Variants in LARP4B observed in about 807,000 individuals in gnomAD.
The protein encoded by LARP4B is La ribonucleoprotein 4B.
A neutral mutation model predicts 89.8 loss-of-function variants in LARP4B; 12 were observed. The observed-to-expected ratio is 0.13, with a 90% CI of 0.09 to 0.22. The LOEUF (loss-of-function observed/expected upper bound fraction) is 0.22, where lower values mean the gene tolerates loss of function less well. LARP4B is among the 10% of genes least tolerant of loss of function. LARP4B has a pLI of 1.00. For synonymous variants in LARP4B, 367 were observed against 363.3 expected (o/e 1.01, Z -0.12); for missense variants, 757 against 947.7 (o/e 0.80, Z 2.64).
At chr10:846,933 G>A (rs1004356924) in intron 5 of LARP4B, among the ~76,000 whole-genome samples, 2 of 152,188 alleles carry the variant, frequency 1.3e-5, no homozygotes, top group African/African-American at 4.8e-5. Flanking sequence ...GAAGTTAGGA[G>A]CCAAGAGAAT....
the LARP4B span, among the ~76,000 whole-genome samples, chr10:969,545 CA>C: frequency 9.9e-5 from 15 of 152,160 alleles, no homozygotes; most frequent in Admixed American, 8.5e-4. Flanking sequence ...GCCTGGCCAA[CA>C]TGGCAAAATC....
chr10:812,074 G>A lies in LARP4B; in HGVS notation c.*852C>T, dbSNP rs910384625. Reference sequence around the variant, plus strand: ...GTGGACTCTCTCCAACCAGAGTGCTGGGGAACACGGACAGAAATGTGCACA... The same window carrying A: ...GTGGACTCTCTCCAACCAGAGTGCTAGGGAACACGGACAGAAATGTGCACA... On this transcript the variant is annotated 3_prime_UTR_variant, in exon 18 of 18. Transcript: ENST00000316157. 5 of 152,636 alleles carry A rather than the reference G, an allele frequency of 3.3e-5. No individual in the cohort carries two copies. Among genetic ancestry groups the A allele is most frequent in the African/African-American group, 9.7e-5 (4 of 41,412 alleles). The allele number at this position is 152,636 out of a possible 1,614,324, so 9.5% of individuals were successfully genotyped here. A position where few individuals can be genotyped will look rare whatever the true frequency, so the allele number is the denominator to read the frequency against.
At position 909,067 on chromosome 10, in the gene LARP4B, G is replaced by GCT. The variant is rs1836584122; in HGVS notation, c.-40+22360_-40+22361insAG. ...CCCAGCACTTTGGGAGGCTGAGGCG[G>GCT]GCAGATCACAAGGTCAGGAGATCAA... On this transcript the variant is annotated intron_variant, in intron 1 of 17. Coordinates refer to ENST00000316157, the MANE Select transcript of LARP4B (RefSeq NM_015155.3). 3.3e-5 allele frequency among the ~76,000 whole-genome samples: 5 copies of GCT among 152,230 alleles called. No homozygotes were observed. In the East Asian group the frequency reaches 9.7e-4, roughly 29 times the overall value.
chr10:969,625 G>A, the LARP4B span, among the ~76,000 whole-genome samples: 1 of 152,100 alleles, frequency 6.6e-6, no homozygotes, highest in Non-Finnish European at 1.5e-5. Flanking sequence ...AGTTACTCAG[G>A]AGACTAAGGC....
chr10:941,720 ATTG>A, the LARP4B span, among the ~76,000 whole-genome samples: 1 of 151,860 alleles, frequency 6.6e-6, no homozygotes, highest in Non-Finnish European at 1.5e-5. Context: ...GTTGTGCTAT[ATTG>A]TTATTTCAGT....
intron 1 of LARP4B, among the ~76,000 whole-genome samples, chr10:893,096 T>C (rs1836084746): frequency 6.7e-6 from 1 of 149,684 alleles, no homozygotes; most frequent in Non-Finnish European, 1.5e-5. Flanking sequence ...TTTTTCCCAG[T>C]AGAGACGGGA....
intron 1 of LARP4B, among the ~76,000 whole-genome samples, chr10:895,630 A>G (rs1334161033): frequency 6.6e-6 from 1 of 150,750 alleles, no homozygotes; most frequent in African/African-American, 2.4e-5. Context: ...CTGAAAGCGC[A>G]CCACTATACT....
At chr10:938,083 C>G in the LARP4B span, among the ~76,000 whole-genome samples, 1 of 151,578 alleles carries the variant, frequency 6.6e-6, no homozygotes, top group African/African-American at 2.4e-5. Context: ...AGGGTTTCTT[C>G]ATGTTGTCCA....
downstream of LARP4B, chr10:809,194 C>A (rs1053958669): frequency 6.6e-6 from 1 of 152,222 alleles, no homozygotes; most frequent in Non-Finnish European, 1.5e-5. Context: ...GAAGACCCAA[C>A]GTTAGCTCCA....
At chr10:864,054 G>A in intron 4 of LARP4B, 69 bp downstream of exon 4, 1 of 1,597,642 alleles carries the variant, frequency 6.3e-7, no homozygotes, top group Non-Finnish European at 8.5e-7. Context: ...CTTAAAGACA[G>A]ATTAAAATGG....
At chr10:872,010 G>C (rs1353045524) in intron 3 of LARP4B, among the ~76,000 whole-genome samples, 1 of 152,188 alleles carries the variant, frequency 6.6e-6, no homozygotes, top group Non-Finnish European at 1.5e-5. Flanking sequence ...CCAGGTGGAT[G>C]ATCCATCTCA....
chr10:867,869 A>G (rs1432075840), intron 3 of LARP4B, among the ~76,000 whole-genome samples: 1 of 150,690 alleles, frequency 6.6e-6, no homozygotes, highest in African/African-American at 2.4e-5. Flanking sequence ...CTTGAAAAAA[A>G]AAAAAAAAAA....
chr10:924,965 A>G lies in LARP4B; in HGVS notation c.-40+6463T>C, dbSNP rs144683018. Among the ~76,000 whole-genome samples the G allele has an allele frequency of 6.1e-3, 928 of 152,366 alleles. 8 individuals carry two copies. The highest frequency in any genetic ancestry group is 0.01 in the Non-Finnish European group (704 of 68,024). On this transcript the variant is annotated intron_variant, in intron 1 of 17. Coordinates refer to ENST00000316157, the MANE Select transcript of LARP4B (RefSeq NM_015155.3). Reference sequence around the variant, plus strand: ...GGAGCAAAATATAAATCTTGATCTCATAAGAGTTTACATTCAAGTATGAGA... The same window carrying G: ...GGAGCAAAATATAAATCTTGATCTCGTAAGAGTTTACATTCAAGTATGAGA...
chr10:919,032 G>C (rs1475352673), intron 1 of LARP4B, among the ~76,000 whole-genome samples: 1 of 152,112 alleles, frequency 6.6e-6, no homozygotes, highest in African/African-American at 2.4e-5. Context: ...AGTGAGCGGA[G>C]ATCAAGCCAC....
chr10:941,742 TA>T, the LARP4B span, among the ~76,000 whole-genome samples: 102 of 152,256 alleles, frequency 6.7e-4, no homozygotes, highest in African/African-American at 2.4e-3. Context: ...GTTATTTTTT[TA>T]TTTTTTATTT....
chr10:841,005 T>G lies in LARP4B; in HGVS notation c.646+1927A>C, dbSNP rs780908793. 3.9e-5 allele frequency among the ~76,000 whole-genome samples: 6 copies of G among 152,222 alleles called. No individual in the cohort carries two copies. The East Asian group carries it at 1.2e-3, about 29-fold the overall frequency. ...CGTCTCTACTAAAAGTACAAAAAAT[T>G]AGCTGGGCGTGGTGGTGCACGCTTG... On this transcript the variant is annotated intron_variant, in intron 7 of 17. Coordinates refer to ENST00000316157, the MANE Select transcript of LARP4B (RefSeq NM_015155.3).
chr10:884,843 T>C (rs1328338660), intron 2 of LARP4B, among the ~76,000 whole-genome samples: 1 of 152,230 alleles, frequency 6.6e-6, no homozygotes, highest in African/African-American at 2.4e-5. Flanking sequence ...CCTAACTCTT[T>C]AAATACATCC....
In LARP4B at chr10:901,108, A is replaced by G. The variant is rs186503480; in HGVS notation, c.-39-15348T>C. On this transcript the variant is annotated intron_variant, in intron 1 of 17. Transcript: ENST00000316157. ...CTAATTTTTTGTATTGTTAGTAGAG[A>G]CGAGGTTTCACCATGTTGGCCTGGT... Among the ~76,000 whole-genome samples the G allele has an allele frequency of 5.9e-3, 709 of 119,668 alleles. 1 individual carries two copies. The highest frequency in any genetic ancestry group is 0.016 in the Middle Eastern group (4 of 246). The allele number at this position is 119,668 out of a possible 152,430, so 78.5% of individuals were successfully genotyped here. A position where few individuals can be genotyped will look rare whatever the true frequency, so the allele number is the denominator to read the frequency against.
At position 813,169 on chromosome 10, in the gene LARP4B, A is replaced by G; in HGVS notation, c.1974T>C (p.Ser658=). Residue 658 remains serine (S), a synonymous_variant, in exon 18 of 18, where the codon AGT becomes AGC. Transcript: ENST00000316157. ...GCAATGGGGAAGAAGGAGGCTCTTT[A>G]CTCGTTCTCTGACAAATCTCTGCGT... The part of the protein sequence containing the change: ...PSYAEICQRT[S]KEPPSSPLQP... The G allele has an allele frequency of 1.2e-6, 2 of 1,612,664 alleles. No individual in the cohort carries two copies. The highest frequency in any genetic ancestry group is 1.7e-6 in the Non-Finnish European group (2 of 1,179,668).
Sources: allele counts gnomAD v4.1 joint callset (sites outside exome capture counted in the v4.1 genomes callset), GRCh38; gene constraint gnomAD v4.1.1; transcripts MANE v1.5; gene names NCBI Gene and HGNC (gene_info 2026-07-23, HGNC 2026-07-21).